Variants in SMG7 observed in about 807,000 individuals in gnomAD.
SMG7 encodes SMG7 nonsense mediated mRNA decay factor.
A neutral mutation model predicts 148.2 loss-of-function variants in SMG7; 34 were observed. The observed-to-expected ratio is 0.23, with a 90% CI of 0.17 to 0.31. SMG7 has a LOEUF of 0.31. Ranked by LOEUF, SMG7 falls within the 10% of genes least tolerant of loss-of-function variation. The probability of loss-of-function intolerance (pLI) is 1.00; values close to 1 mark genes in which losing one functional copy is unlikely to be tolerated. For synonymous variants in SMG7, 492 were observed against 515.1 expected (o/e 0.96, Z 0.61); for missense variants, 1,114 against 1,408.4 (o/e 0.79, Z 3.35).
rs1668209141 is a variant in SMG7, at chr1:183,538,581, T to C, written c.1295+141T>C. 5 of 670,308 alleles carry C rather than the reference T, an allele frequency of 7.5e-6. No homozygotes were observed. The East Asian group carries it at 7.7e-5, about 10-fold the overall frequency. 41.5% of individuals were successfully genotyped at this position (670,308 alleles called of 1,614,324 possible). A position where few individuals can be genotyped will look rare whatever the true frequency, so the allele number is the denominator to read the frequency against. On this transcript the variant is annotated intron_variant, in intron 12 of 22. Coordinates refer to ENST00000688051, the MANE Select transcript of SMG7 (RefSeq NM_001375584.1). Reference sequence around the variant, plus strand: ...TGTAACGTCAACTAATACTGAAAGTTGTTGTGAATTGGATTTGTGTATGTC... The same window carrying C: ...TGTAACGTCAACTAATACTGAAAGTCGTTGTGAATTGGATTTGTGTATGTC...
At chr1:183,543,335 A>C (rs1410813165) in intron 14 of SMG7, among the ~76,000 whole-genome samples, 2 of 152,170 alleles carry the variant, frequency 1.3e-5, no homozygotes, top group Non-Finnish European at 2.9e-5. Context: ...GCTTACAAAT[A>C]AATAGTACCT....
At chr1:183,492,716 TTTCC>T (rs1215081327) in intron 1 of SMG7, among the ~76,000 whole-genome samples, 8 of 152,156 alleles carry the variant, frequency 5.3e-5, no homozygotes, top group African/African-American at 1.7e-4. Context: ...CTCTTCACTA[TTTCC>T]TTCCTTCTAC....
intron 1 of SMG7, among the ~76,000 whole-genome samples, chr1:183,481,800 G>A (rs1028789785): frequency 2.0e-5 from 3 of 151,786 alleles, no homozygotes; most frequent in Non-Finnish European, 4.4e-5. Flanking sequence ...AGCTTCTGGA[G>A]TTGAACACCA....
At chr1:183,494,014 G>T (rs1190328084) in intron 1 of SMG7, among the ~76,000 whole-genome samples, 2 of 152,014 alleles carry the variant, frequency 1.3e-5, no homozygotes, top group South Asian at 2.1e-4. Flanking sequence ...TTGAAACAGG[G>T]TCTTGCTCTG....
intron 1 of SMG7, among the ~76,000 whole-genome samples, chr1:183,492,159 T>TA (rs1427947493): frequency 1.3e-5 from 2 of 152,250 alleles, no homozygotes; most frequent in East Asian, 3.8e-4. Context: ...CTTCTAGAAA[T>TA]AGATTAAGTC....
chr1:183,541,193 A>C (rs1368738905), intron 13 of SMG7, 90 bp downstream of exon 13: 774 of 1,118,610 alleles, frequency 6.9e-4, no homozygotes, highest in Non-Finnish European at 9.2e-4. Flanking sequence ...CACACATCTC[A>C]TATGTTACGT....
At position 183,537,224 on chromosome 1, in the gene SMG7, T is replaced by C. The variant is rs1347802434; in HGVS notation, c.1234+9T>C. The C allele has an allele frequency of 6.3e-7, 1 of 1,583,948 alleles. No individual in the cohort carries two copies. Among genetic ancestry groups the C allele is most frequent in the Non-Finnish European group, 8.7e-7 (1 of 1,152,826 alleles). On this transcript the variant is annotated intron_variant, in intron 11 of 22. Coordinates refer to ENST00000688051, the MANE Select transcript of SMG7 (RefSeq NM_001375584.1). Reference sequence around the variant, plus strand: ...CCTCTCAAGTATTAGTGGTAAGGGCTACCCTAACCTTGTGTTGTTGATGTG... The same window carrying C: ...CCTCTCAAGTATTAGTGGTAAGGGCCACCCTAACCTTGTGTTGTTGATGTG...
intron 13 of SMG7, 55 bp downstream of exon 13, chr1:183,541,158 A>G (rs563067769): frequency 9.7e-6 from 15 of 1,542,094 alleles, no homozygotes; most frequent in South Asian, 9.1e-5. Flanking sequence ...AGATAAACAC[A>G]TGCGCGCACA....
At chr1:183,490,087 T>G (rs1656569998) in intron 1 of SMG7, among the ~76,000 whole-genome samples, 1 of 152,166 alleles carries the variant, frequency 6.6e-6, no homozygotes, top group Non-Finnish European at 1.5e-5. Context: ...TGGTATTGAG[T>G]ACTGAGAGTT....
At chr1:183,539,184 T>A (rs74129853) in intron 12 of SMG7, among the ~76,000 whole-genome samples, 1,675 of 152,096 alleles carry the variant, frequency 0.011, 32 homozygotes, top group African/African-American at 0.039. Flanking sequence ...CCAACCTGAC[T>A]GACTCCACTT....
Position 183,481,172 on chromosome 1 carries a change from G to T in SMG7, c.29+8523G>T, listed in dbSNP as rs147438818. On this transcript the variant is annotated intron_variant, in intron 1 of 22. Coordinates refer to ENST00000688051, the MANE Select transcript of SMG7 (RefSeq NM_001375584.1). ...TGACCTGCACCTACCTCTGCCTCATGATATCTTCTTACTCCCTGATAGAAA... is the reference window on the plus strand; with the variant it reads ...TGACCTGCACCTACCTCTGCCTCATTATATCTTCTTACTCCCTGATAGAAA... Among the ~76,000 whole-genome samples the T allele has an allele frequency of 5.0e-4, 76 of 152,280 alleles. 1 individual carries two copies. The East Asian group carries it at 8.9e-3, about 18-fold the overall frequency.
intron 1 of SMG7, 158 bp downstream of exon 1, chr1:183,472,807 G>A (rs1651009919): frequency 1.7e-6 from 1 of 589,854 alleles, no homozygotes; most frequent in Non-Finnish European, 2.6e-6. Flanking sequence ...TGCGGGAGGG[G>A]GCGGAACGGG....
At chr1:183,496,467 GT>G (rs765945649) in intron 1 of SMG7, among the ~76,000 whole-genome samples, 1 of 152,002 alleles carries the variant, frequency 6.6e-6, no homozygotes, top group Non-Finnish European at 1.5e-5. Flanking sequence ...CCAGACTATT[GT>G]CTAAATTCAA....
At chr1:183,494,647 G>T (rs1055798403) in intron 1 of SMG7, among the ~76,000 whole-genome samples, 5 of 146,778 alleles carry the variant, frequency 3.4e-5, no homozygotes, top group African/African-American at 1.3e-4. Context: ...GAATATTTTT[G>T]CTGGGTATAA....
chr1:183,509,211 C>T (rs890825589), intron 1 of SMG7, among the ~76,000 whole-genome samples: 2 of 152,038 alleles, frequency 1.3e-5, no homozygotes, highest in Non-Finnish European at 2.9e-5. Flanking sequence ...ATCCACAAGC[C>T]GACCACGGCA....
intron 1 of SMG7, among the ~76,000 whole-genome samples, chr1:183,486,474 C>A (rs548366046): frequency 6.6e-6 from 1 of 152,092 alleles, no homozygotes; most frequent in Non-Finnish European, 1.5e-5. Context: ...GCAGTGGTGC[C>A]ATCTCGGCTC....
chr1:183,474,206 A>T (rs1054902467), intron 1 of SMG7, among the ~76,000 whole-genome samples: 1 of 152,226 alleles, frequency 6.6e-6, no homozygotes, highest in Non-Finnish European at 1.5e-5. Flanking sequence ...GTCTTAAGGA[A>T]TTTGCAGTTG....
chr1:183,549,927 T>C lies in SMG7; in HGVS notation c.3133+4T>C, dbSNP rs1348004105. 4 of 1,607,788 alleles carry C rather than the reference T, an allele frequency of 2.5e-6. No individual in the cohort carries two copies. Among genetic ancestry groups the C allele is most frequent in the East Asian group, 4.5e-5 (2 of 44,834 alleles). ...CCATCACTTCCTGCCAGTTCAGGTA[T>C]TAACTACTCTTTAAATTATAGACCT... On this transcript the variant is annotated splice_donor_region_variant and intron_variant, in intron 20 of 22. Transcript: ENST00000688051.
chr1:183,503,933 T>C (rs980265963), intron 1 of SMG7, among the ~76,000 whole-genome samples: 2 of 152,198 alleles, frequency 1.3e-5, no homozygotes, highest in Non-Finnish European at 2.9e-5. Context: ...TTATTTTCCA[T>C]TACATAAAAC....
Sources: allele counts gnomAD v4.1 joint callset (sites outside exome capture counted in the v4.1 genomes callset), GRCh38; gene constraint gnomAD v4.1.1; transcripts MANE v1.5; gene names NCBI Gene and HGNC (gene_info 2026-07-23, HGNC 2026-07-21).